P4HA3: variants seen among roughly 807,000 people sequenced by gnomAD.
P4HA3 encodes the protein prolyl 4-hydroxylase subunit alpha 3, also known as prolyl 4-hydroxylase subunit alpha-3.
A neutral mutation model predicts 66.7 loss-of-function variants in P4HA3; 60 were observed. That is an observed-to-expected ratio of 0.90 (90% confidence interval 0.73 to 1.12). The LOEUF (loss-of-function observed/expected upper bound fraction) is 1.12, where lower values mean the gene tolerates loss of function less well. Among genes scored for constraint, P4HA3 ranks in the 50% most tolerant of loss-of-function variants. The pLI is 0.00. For missense variants in P4HA3, 683 were observed against 685.8 expected (o/e 1.00, Z 0.05); for synonymous variants, 263 against 274.6 (o/e 0.96, Z 0.42).
rs1288193158 is a variant in P4HA3, at chr11:74,311,548, C to G, written c.64G>C (p.Glu22Gln). The G allele has an allele frequency of 5.2e-6, 8 of 1,551,018 alleles. No homozygotes were observed. Among genetic ancestry groups the G allele is most frequent in the African/African-American group, 1.4e-5 (1 of 71,494 alleles). The change falls in exon 1 of 13, where the codon GAA becomes CAA. Residue 22 changes from glutamate to glutamine, a missense_variant. Coordinates refer to ENST00000331597, the MANE Select transcript of P4HA3 (RefSeq NM_182904.5). ...AVLALGTGDP[E>Q]RAAARGDTFS... ...GTGTCGCCCCGAGCCGCAGCCCTTT[C>G]TGGGTCTCCTGTCCCGAGCGCCAGC... is the stretch of plus-strand genomic sequence containing the variant.
At chr11:74,301,251 GAA>G (rs1861398145) in intron 3 of P4HA3, among the ~76,000 whole-genome samples, 1 of 151,628 alleles carries the variant, frequency 6.6e-6, no homozygotes, top group South Asian at 2.1e-4. Flanking sequence ...TCTTATATTT[GAA>G]AAGTTTTCTC....
intron 9 of P4HA3, 22 bp from the exon 10 acceptor site, chr11:74,273,629 C>G: frequency 6.5e-7 from 1 of 1,540,650 alleles, no homozygotes. Flanking sequence ...AAAAACAGAA[C>G]ATATTATTTT....
intron 15 of P4HA3, among the ~76,000 whole-genome samples, chr11:74,256,327 G>A (rs115777083): frequency 0.012 from 1,770 of 152,270 alleles, 32 homozygotes; most frequent in African/African-American, 0.041. Flanking sequence ...TGAAATGCTC[G>A]TGAGCTTTGT....
intron 9 of P4HA3, among the ~76,000 whole-genome samples, chr11:74,276,144 C>G (rs184466221): frequency 6.6e-6 from 1 of 152,256 alleles, no homozygotes; most frequent in Admixed American, 6.5e-5. Context: ...ACACTGGAAA[C>G]TGCAAAATGG....
intron 2 of P4HA3, among the ~76,000 whole-genome samples, chr11:74,303,722 A>G (rs1226235072): frequency 6.6e-6 from 1 of 150,932 alleles, no homozygotes; most frequent in Non-Finnish European, 1.5e-5. Flanking sequence ...CTGGGATTAC[A>G]GGCATGTAAT....
intron 1 of P4HA3, among the ~76,000 whole-genome samples, chr11:74,305,664 A>C (rs552783171): frequency 2.0e-5 from 3 of 152,378 alleles, no homozygotes; most frequent in Admixed American, 2.0e-4. Flanking sequence ...GTTATTTGCT[A>C]GATGTCAGAC....
chr11:74,298,410 A>G (rs1591130301), intron 3 of P4HA3, 49 bp from the exon 4 acceptor site: 1 of 1,567,972 alleles, frequency 6.4e-7, no homozygotes, highest in East Asian at 2.3e-5. Context: ...CACAGGTAGA[A>G]AAAGAAAATG....
chr11:74,284,146 T>C (rs1041583668), intron 7 of P4HA3, among the ~76,000 whole-genome samples: 1 of 152,254 alleles, frequency 6.6e-6, no homozygotes, highest in African/African-American at 2.4e-5. Flanking sequence ...ACAATATCTT[T>C]AAAGAGGCAA....
intron 15 of P4HA3, chr11:74,254,743 C>T (rs918454921): frequency 6.5e-6 from 1 of 152,710 alleles, no homozygotes; most frequent in African/African-American, 2.4e-5. Flanking sequence ...CTTATTTCTG[C>T]TGATATGGGG....
chr11:74,280,434 A>G (rs980393720), intron 7 of P4HA3, among the ~76,000 whole-genome samples: 2 of 152,202 alleles, frequency 1.3e-5, no homozygotes, highest in African/African-American at 4.8e-5. Flanking sequence ...TGCTGGGATT[A>G]CAGGAATGAG....
At chr11:74,258,623 C>T (rs1208132590) in intron 15 of P4HA3, among the ~76,000 whole-genome samples, 1 of 152,112 alleles carries the variant, frequency 6.6e-6, no homozygotes, top group Non-Finnish European at 1.5e-5. Context: ...CACCTGACTT[C>T]CAGACGAGTG....
intron 12 of P4HA3, among the ~76,000 whole-genome samples, chr11:74,267,876 A>G (rs1860042790): frequency 6.6e-6 from 1 of 152,188 alleles, no homozygotes; most frequent in Non-Finnish European, 1.5e-5. Context: ...GGGACACCAT[A>G]TTCCTCTCTG....
At chr11:74,258,658 G>A (rs1268960200) in intron 15 of P4HA3, among the ~76,000 whole-genome samples, 3 of 152,120 alleles carry the variant, frequency 2.0e-5, no homozygotes, top group African/African-American at 7.2e-5. Flanking sequence ...CACCATAGCA[G>A]AAGGAGAGGA....
intron 4 of P4HA3, among the ~76,000 whole-genome samples, chr11:74,296,152 C>CTT (rs776493400): frequency 6.6e-6 from 1 of 152,144 alleles, no homozygotes; most frequent in East Asian, 1.9e-4. Flanking sequence ...CTGTTAAGGG[C>CTT]TTTGCCTGTA....
At chr11:74,293,746 C>A (rs1486809170) in intron 4 of P4HA3, among the ~76,000 whole-genome samples, 4 of 152,120 alleles carry the variant, frequency 2.6e-5, no homozygotes, top group Middle Eastern at 3.2e-3. Flanking sequence ...GTTGAAAATT[C>A]TTTTCTTTAA....
At chr11:74,283,427 T>G (rs1019916513) in intron 7 of P4HA3, among the ~76,000 whole-genome samples, 6 of 152,158 alleles carry the variant, frequency 3.9e-5, no homozygotes, top group African/African-American at 1.4e-4. Flanking sequence ...TTCTAGACTT[T>G]CCTGGAGGGG....
chr11:74,300,045 G>A lies in P4HA3; in HGVS notation c.568-1684C>T, dbSNP rs1861356962. Among the ~76,000 whole-genome samples, 3 of 152,274 alleles carry A rather than the reference G, an allele frequency of 2.0e-5. No homozygotes were observed. In the South Asian group the frequency reaches 6.2e-4, roughly 32 times the overall value. On this transcript the variant is annotated intron_variant, in intron 3 of 12. Transcript: ENST00000331597. ...TTCTCAATTTTGAGCCTCTACTTCT[G>A]GTGAGTATAGGGTTTGAATCTGCAA...
chr11:74,281,267 C>T (rs1860584958), intron 7 of P4HA3, among the ~76,000 whole-genome samples: 1 of 150,474 alleles, frequency 6.6e-6, no homozygotes, highest in Admixed American at 6.6e-5. Flanking sequence ...CACTTTTACA[C>T]TGTTGGTGGG....
intron 1 of P4HA3, among the ~76,000 whole-genome samples, chr11:74,305,846 A>C (rs1861564767): frequency 6.6e-6 from 1 of 152,196 alleles, no homozygotes; most frequent in Non-Finnish European, 1.5e-5. Context: ...AATTCTGAAT[A>C]AGGAAATAAT....
Sources: gnomAD v4.1 joint callset for allele counts (sites outside exome capture counted in the v4.1 genomes callset) on GRCh38, gnomAD v4.1.1 for gene constraint, MANE v1.5 for transcripts, NCBI Gene and HGNC (gene_info 2026-07-23, HGNC 2026-07-21) for gene names.